Variants in RUNDC3B observed in about 807,000 individuals in gnomAD.
RUNDC3B encodes RUN domain containing 3B.
RUNDC3B carries 33 observed loss-of-function variants against 58.4 expected under a neutral mutation model. That is an observed-to-expected ratio of 0.56 (90% confidence interval 0.43 to 0.75). RUNDC3B has a LOEUF of 0.75. RUNDC3B is among the 30% of genes least tolerant of loss of function. The probability of loss-of-function intolerance (pLI) is 0.00; values close to 1 mark genes in which losing one functional copy is unlikely to be tolerated. For synonymous variants in RUNDC3B, 193 were observed against 195.2 expected (o/e 0.99, Z 0.10); for missense variants, 501 against 535.7 (o/e 0.94, Z 0.64).
chr7:87,651,884 C>T (rs563917720), intron 2 of RUNDC3B, among the ~76,000 whole-genome samples: 4 of 152,128 alleles, frequency 2.6e-5, no homozygotes, highest in Non-Finnish European at 2.9e-5. Flanking sequence ...CAATTTAAAA[C>T]GGGGTTTGTA....
At chr7:87,658,808 A>G (rs1373683429) in intron 2 of RUNDC3B, among the ~76,000 whole-genome samples, 1 of 152,208 alleles carries the variant, frequency 6.6e-6, no homozygotes, top group Non-Finnish European at 1.5e-5. Context: ...CTCACAGGAA[A>G]GACAACTAAG....
chr7:87,808,349 T>C (rs1471852948), intron 9 of RUNDC3B, among the ~76,000 whole-genome samples: 1 of 151,994 alleles, frequency 6.6e-6, no homozygotes, highest in South Asian at 2.1e-4. Context: ...TAAATTTCCC[T>C]GTTAGAGTCA....
At chr7:87,691,394 A>G (rs1019385090) in intron 2 of RUNDC3B, among the ~76,000 whole-genome samples, 5 of 152,154 alleles carry the variant, frequency 3.3e-5, no homozygotes, top group Non-Finnish European at 7.3e-5. Flanking sequence ...ATATGGTATA[A>G]TTATACTGTT....
At chr7:87,785,623 G>A (rs1563208285) in intron 8 of RUNDC3B, among the ~76,000 whole-genome samples, 1 of 152,192 alleles carries the variant, frequency 6.6e-6, no homozygotes, top group Non-Finnish European at 1.5e-5. Flanking sequence ...GGCTTTGAGA[G>A]GAGCTGGAAG....
chr7:87,729,311 AT>A (rs1025812908), intron 4 of RUNDC3B, among the ~76,000 whole-genome samples: 1 of 152,190 alleles, frequency 6.6e-6, no homozygotes, highest in Admixed American at 6.6e-5. Flanking sequence ...TTAACATTAT[AT>A]TAAGGAAAGA....
intron 2 of RUNDC3B, chr7:87,693,998 C>T (rs760487690): frequency 1.2e-6 from 2 of 1,606,256 alleles, no homozygotes; most frequent in African/African-American, 1.3e-5. Context: ...CTGAGCTGCA[C>T]GGGAGCATGG....
chr7:87,744,850 T>G (rs142015039), intron 6 of RUNDC3B, among the ~76,000 whole-genome samples: 7 of 152,324 alleles, frequency 4.6e-5, no homozygotes, highest in African/African-American at 1.4e-4. Context: ...TCCAGTACTA[T>G]GTTGAAGAGG....
At chr7:87,720,638 G>A (rs1348609422) in intron 4 of RUNDC3B, among the ~76,000 whole-genome samples, 1 of 149,080 alleles carries the variant, frequency 6.7e-6, no homozygotes, top group Admixed American at 6.7e-5. Flanking sequence ...GTCTCACTCT[G>A]TCACCCAGGC....
chr7:87,713,703 C>G (rs997701485), intron 4 of RUNDC3B, among the ~76,000 whole-genome samples: 3 of 148,912 alleles, frequency 2.0e-5, no homozygotes, highest in Non-Finnish European at 3.0e-5. Context: ...GGAAGACCTT[C>G]AAATGAGAAG....
chr7:87,666,705 A>G (rs62489861), intron 2 of RUNDC3B, among the ~76,000 whole-genome samples: 11 of 152,120 alleles, frequency 7.2e-5, no homozygotes, highest in Non-Finnish European at 1.0e-4. Flanking sequence ...TCTTCCACAT[A>G]TGGCTATCCA....
In RUNDC3B at chr7:87,628,691, TCCTC is replaced by T. The variant is rs1820864603; in HGVS notation, c.-127_-124del. On this transcript the variant is annotated 5_prime_UTR_variant, in exon 1 of 11. Coordinates refer to ENST00000394654, the MANE Select transcript of RUNDC3B (RefSeq NM_001134405.2). ...GAGTCCCTGCTGTCTTCCACACCCT[TCCTC>T]CCTCCAGGCTCCTTTCCTACATCCT... is the stretch of plus-strand genomic sequence containing the variant. 2 of 499,674 alleles carry T rather than the reference TCCTC, an allele frequency of 4.0e-6. No homozygotes were observed. Among genetic ancestry groups the T allele is most frequent in the East Asian group, 7.6e-5 (2 of 26,480 alleles). The allele number at this position is 499,674 out of a possible 1,614,324, so 31.0% of individuals were successfully genotyped here.
intron 2 of RUNDC3B, among the ~76,000 whole-genome samples, chr7:87,687,355 C>G (rs191245660): frequency 1.1e-3 from 172 of 152,218 alleles, no homozygotes; most frequent in Non-Finnish European, 2.1e-3. Flanking sequence ...GAAAACTACT[C>G]CATGAGGTTT....
At chr7:87,674,893 A>G (rs1242842168) in intron 2 of RUNDC3B, among the ~76,000 whole-genome samples, 1 of 152,160 alleles carries the variant, frequency 6.6e-6, no homozygotes, top group African/African-American at 2.4e-5. Flanking sequence ...AGGCTCCCAC[A>G]GGAGCATGGT....
intron 1 of RUNDC3B, among the ~76,000 whole-genome samples, chr7:87,632,112 CAAA>C (rs201197232): frequency 7.4e-6 from 1 of 134,996 alleles, no homozygotes; most frequent in Non-Finnish European, 1.6e-5. Context: ...TTTACAAAAC[CAAA>C]AAAAAAAAAA....
chr7:87,770,513 T>C (rs1834219391), intron 6 of RUNDC3B, 68 bp from the exon 7 acceptor site: 13 of 1,251,882 alleles, frequency 1.0e-5, no homozygotes, highest in Non-Finnish European at 1.5e-5. Flanking sequence ...AGCTTGCAAA[T>C]GTAAAAGTGT....
At chr7:87,822,042 G>A (rs932958237) in intron 10 of RUNDC3B, among the ~76,000 whole-genome samples, 5 of 151,760 alleles carry the variant, frequency 3.3e-5, no homozygotes, top group South Asian at 2.1e-4. Context: ...TTGACAAATG[G>A]GATCTAATTA....
intron 9 of RUNDC3B, among the ~76,000 whole-genome samples, chr7:87,812,424 C>T (rs1389285516): frequency 6.6e-6 from 1 of 152,118 alleles, no homozygotes; most frequent in Non-Finnish European, 1.5e-5. Flanking sequence ...GCCTGGCCAA[C>T]ATGGTGAAAC....
chr7:87,721,462 A>G (rs1168325679), intron 4 of RUNDC3B, among the ~76,000 whole-genome samples: 1 of 152,162 alleles, frequency 6.6e-6, no homozygotes, highest in Non-Finnish European at 1.5e-5. Context: ...TGGCAAAGGT[A>G]CCATAAATAA....
intron 1 of RUNDC3B, among the ~76,000 whole-genome samples, chr7:87,637,152 T>G (rs1821861569): frequency 6.6e-6 from 1 of 152,172 alleles, no homozygotes; most frequent in Admixed American, 6.5e-5. Flanking sequence ...CAATTCAAGA[T>G]GAGATTTGGG....
Sources: gnomAD v4.1 joint callset for allele counts (sites outside exome capture counted in the v4.1 genomes callset) on GRCh38, gnomAD v4.1.1 for gene constraint, MANE v1.5 for transcripts, NCBI Gene and HGNC (gene_info 2026-07-23, HGNC 2026-07-21) for gene names.